The following SASH1 variants were observed in gnomAD, a reference collection of about 807,000 sequenced individuals.
SASH1 encodes SAM and SH3 domain containing 1, also known as SAM and SH3 domain-containing protein 1.
A neutral mutation model predicts 125.2 loss-of-function variants in SASH1; 44 were observed. The observed-to-expected ratio is 0.35, with a 90% CI of 0.28 to 0.45. The LOEUF (loss-of-function observed/expected upper bound fraction) is 0.45. Among genes scored for constraint, SASH1 ranks in the 20% least tolerant of loss-of-function variants. The pLI is 1.00. For synonymous variants in SASH1, 639 were observed against 649.1 expected, an observed-to-expected ratio of 0.98 and a Z score of 0.24; for missense variants, 1,426 against 1,614.5, an observed-to-expected ratio of 0.88 and a Z score of 2.00.
At chr6:148,206,800 C>G in the SASH1 span, among the ~76,000 whole-genome samples, 4 of 150,484 alleles carry the variant, frequency 2.7e-5, no homozygotes, top group Admixed American at 6.6e-5. Flanking sequence ...AAAGCACACA[C>G]ACACACACAC....
chr6:148,454,944 TA>T (rs1280599676), intron 4 of SASH1, among the ~76,000 whole-genome samples: 1 of 152,238 alleles, frequency 6.6e-6, no homozygotes, highest in Non-Finnish European at 1.5e-5. Flanking sequence ...TTTGCCCAAA[TA>T]AAACCTTACA....
intron 1 of SASH1, among the ~76,000 whole-genome samples, chr6:148,294,757 A>C (rs1460254758): frequency 6.6e-6 from 1 of 152,116 alleles, no homozygotes; most frequent in African/African-American, 2.4e-5. Context: ...GGGAGCAAAA[A>C]TTTCTTAAAA....
At chr6:148,339,869 T>C (rs541897374), upstream of SASH1, among the ~76,000 whole-genome samples, 149 of 152,282 alleles carry the variant, frequency 9.8e-4, no homozygotes, top group African/African-American at 3.5e-3. Context: ...GATGCGGGTA[T>C]GTGTTGTCAC....
intron 4 of SASH1, among the ~76,000 whole-genome samples, chr6:148,468,150 A>G (rs1777933657): frequency 6.6e-6 from 1 of 152,166 alleles, no homozygotes; most frequent in Non-Finnish European, 1.5e-5. Context: ...CTGTGGGCCC[A>G]AGTGGCATTT....
At chr6:148,301,763 T>G (rs1779952153) in intron 1 of SASH1, among the ~76,000 whole-genome samples, 1 of 144,606 alleles carries the variant, frequency 6.9e-6, no homozygotes, top group South Asian at 2.2e-4. Flanking sequence ...TTTTTTTTTT[T>G]TTTGCAGTTT....
intron 7 of SASH1, among the ~76,000 whole-genome samples, chr6:148,476,899 G>GA (rs1329484995): frequency 3.3e-5 from 5 of 152,112 alleles, no homozygotes; most frequent in Non-Finnish European, 7.4e-5. Flanking sequence ...AGAGAGCCCG[G>GA]AAATAAACCC....
intron 2 of SASH1, among the ~76,000 whole-genome samples, chr6:148,405,013 T>C (rs1455054600): frequency 6.6e-6 from 1 of 151,914 alleles, no homozygotes; most frequent in East Asian, 1.9e-4. Context: ...CATCACAGTC[T>C]AGGAAGAGAT....
chr6:148,327,950 AAAAAAAG>A (rs1250396163), intron 1 of SASH1, among the ~76,000 whole-genome samples: 2 of 151,714 alleles, frequency 1.3e-5, no homozygotes, highest in African/African-American at 2.4e-5. Context: ...AAAAAAAAAA[AAAAAAAG>A]AAAAAGAAAA....
At chr6:148,497,717 T>A (rs1779371793) in intron 8 of SASH1, among the ~76,000 whole-genome samples, 1 of 152,252 alleles carries the variant, frequency 6.6e-6, no homozygotes, top group South Asian at 2.1e-4. Flanking sequence ...ACAAACTTAA[T>A]GTAAAAGTGC....
At chr6:148,511,254 G>C (rs1016430939) in intron 8 of SASH1, among the ~76,000 whole-genome samples, 10 of 151,296 alleles carry the variant, frequency 6.6e-5, no homozygotes, top group African/African-American at 2.4e-4. Flanking sequence ...CATGGATGCA[G>C]CAATACATTC....
chr6:148,525,420 A>G (rs368073864), intron 11 of SASH1, 55 bp downstream of exon 11: 3 of 1,297,408 alleles, frequency 2.3e-6, no homozygotes, highest in South Asian at 1.2e-5. Flanking sequence ...GAGGTTGACA[A>G]TAGTTCACCA....
At chr6:148,208,436 T>A in the SASH1 span, among the ~76,000 whole-genome samples, 1 of 152,188 alleles carries the variant, frequency 6.6e-6, no homozygotes, top group Admixed American at 6.5e-5. Flanking sequence ...GACCTCTGGA[T>A]GGTGGACAGG....
chr6:148,411,824 G>A (rs1450391909), intron 2 of SASH1, among the ~76,000 whole-genome samples: 2 of 152,302 alleles, frequency 1.3e-5, no homozygotes, highest in East Asian at 1.9e-4. Context: ...GATTACAGGC[G>A]TGAGCCACTG....
At chr6:148,358,925 C>T (rs1196172718) in intron 1 of SASH1, among the ~76,000 whole-genome samples, 5 of 151,610 alleles carry the variant, frequency 3.3e-5, no homozygotes, top group African/African-American at 9.7e-5. Flanking sequence ...TTAGTAGAGA[C>T]GGGGTTTCAC....
the SASH1 span, among the ~76,000 whole-genome samples, chr6:148,233,742 C>CAAAAAAAAAAAAAAAAAAAAAAA: frequency 8.4e-3 from 508 of 60,484 alleles, 71 homozygotes; most frequent in Non-Finnish European, 0.012. Flanking sequence ...TTCCTCTCTA[C>CAAAAAAAAAAAAAAAAAAAAAAA]AAAAAAAAAA....
chr6:148,531,540 T>C lies in SASH1; in HGVS notation c.1443T>C (p.Asp481=). 4 of 1,547,594 alleles carry C rather than the reference T, an allele frequency of 2.6e-6. No homozygotes were observed. The highest frequency in any genetic ancestry group is 4.9e-5 in the East Asian group (2 of 41,040). ...ACCCATGGCAGGACTCGGGCCTTGA[T>C]GGAATGCCTGGCTCCCCTCCGCCTT... is the stretch of plus-strand genomic sequence containing the variant. ...SSVSEQDSGL[D]GMPGSPPPSQ... is the part of the protein sequence containing the mutation. The change falls in exon 13 of 20, where the codon GAT becomes GAC. Residue 481 remains aspartate (D), a synonymous_variant. Transcript: ENST00000367467.
intron 1 of SASH1, among the ~76,000 whole-genome samples, chr6:148,381,048 C>A (rs183213288): frequency 1.3e-5 from 2 of 152,118 alleles, no homozygotes; most frequent in African/African-American, 4.8e-5. Context: ...TAAACACAGG[C>A]GAATGTTGAC....
chr6:148,442,619 T>C (rs1228957325), intron 4 of SASH1, among the ~76,000 whole-genome samples: 1 of 151,980 alleles, frequency 6.6e-6, no homozygotes, highest in Non-Finnish European at 1.5e-5. Context: ...GACATCATGA[T>C]TGTCACCCCT....
intron 4 of SASH1, among the ~76,000 whole-genome samples, chr6:148,444,830 A>G (rs1179987036): frequency 6.6e-6 from 1 of 152,222 alleles, no homozygotes; most frequent in Non-Finnish European, 1.5e-5. Flanking sequence ...AAACCAAAGA[A>G]TAGCTACTCC....
Sources: allele counts gnomAD v4.1 joint callset (sites outside exome capture counted in the v4.1 genomes callset), GRCh38; gene constraint gnomAD v4.1.1; transcripts MANE v1.5; gene names NCBI Gene and HGNC (gene_info 2026-07-23, HGNC 2026-07-21).